Variants in SLC4A10 observed in about 807,000 individuals in gnomAD.
SLC4A10 encodes solute carrier family 4 member 10.
In SLC4A10, 42 loss-of-function variants were observed where a neutral mutation model predicts 137.7. The observed-to-expected ratio is 0.30, with a 90% confidence interval of 0.24 to 0.39. SLC4A10 has a LOEUF of 0.39. Ranked by LOEUF, SLC4A10 falls within the 10% of genes least tolerant of loss-of-function variation. SLC4A10 has a pLI of 1.00. For missense variants in SLC4A10, 925 were observed against 1,355.0 expected (o/e 0.68, Z 4.98); for synonymous variants, 474 against 464.1 (o/e 1.02, Z -0.27).
intron 15 of SLC4A10, among the ~76,000 whole-genome samples, chr2:161,923,294 G>GAAAATT (rs1688474074): frequency 6.6e-6 from 1 of 152,180 alleles, no homozygotes; most frequent in South Asian, 2.1e-4. Flanking sequence ...CACCACAAGT[G>GAAAATT]AAAATTATTG....
intron 1 of SLC4A10, among the ~76,000 whole-genome samples, chr2:161,738,971 G>A (rs2047615094): frequency 6.6e-6 from 1 of 152,120 alleles, no homozygotes; most frequent in South Asian, 2.1e-4. Context: ...ATGGGGTGAA[G>A]ATATAAACCC....
intron 3 of SLC4A10, among the ~76,000 whole-genome samples, chr2:161,824,395 G>A (rs2057872332): frequency 6.6e-6 from 1 of 152,146 alleles, no homozygotes; most frequent in African/African-American, 2.4e-5. Context: ...ACAAATTCCT[G>A]CTGGAGAAAA....
intron 1 of SLC4A10, among the ~76,000 whole-genome samples, chr2:161,651,536 A>G (rs774285900): frequency 5.1e-4 from 77 of 152,268 alleles, no homozygotes; most frequent in Admixed American, 3.8e-3. Context: ...GCCCAGACCT[A>G]TGACCTCCCT....
intron 2 of SLC4A10, among the ~76,000 whole-genome samples, chr2:161,786,452 G>A (rs1489720863): frequency 6.6e-6 from 1 of 151,716 alleles, no homozygotes; most frequent in Non-Finnish European, 1.5e-5. Context: ...TCCAATCATA[G>A]TACTGTTAGC....
intron 1 of SLC4A10, among the ~76,000 whole-genome samples, chr2:161,713,459 CAT>C (rs2044511773): frequency 2.6e-5 from 4 of 151,832 alleles, no homozygotes; most frequent in African/African-American, 9.6e-5. Context: ...CAAAATTGCA[CAT>C]GAGAGCATTT....
At position 161,947,739 on chromosome 2, in the gene SLC4A10, A is replaced by G. The variant is rs567478854; in HGVS notation, c.2265+12A>G. On this transcript the variant is annotated intron_variant, in intron 17 of 26. Coordinates refer to ENST00000446997, the MANE Select transcript of SLC4A10 (RefSeq NM_001178015.2). Reference sequence around the variant, plus strand: ...ATTTTCCAACCAAGGTACTTAGACTATTTCTTGATCTAAATGTAAAATAAC... The same window carrying G: ...ATTTTCCAACCAAGGTACTTAGACTGTTTCTTGATCTAAATGTAAAATAAC... 13 of 1,607,508 alleles carry G rather than the reference A, an allele frequency of 8.1e-6. 2 individuals are homozygous for G. The highest frequency in any genetic ancestry group is 1.7e-4 in the Middle Eastern group (1 of 6,022).
intron 3 of SLC4A10, among the ~76,000 whole-genome samples, chr2:161,824,265 G>A (rs73971366): frequency 0.031 from 4,753 of 152,150 alleles, 242 homozygotes; most frequent in African/African-American, 0.1. Context: ...GGAAAGCATC[G>A]TCAATAATGT....
chr2:161,749,897 G>C (rs942512980), intron 1 of SLC4A10, among the ~76,000 whole-genome samples: 1 of 151,744 alleles, frequency 6.6e-6, no homozygotes, highest in African/African-American at 2.4e-5. Flanking sequence ...TGTCTTCTTT[G>C]TTGGGAGATT....
At chr2:161,918,283 G>A (rs1241808025) in intron 15 of SLC4A10, among the ~76,000 whole-genome samples, 4 of 152,014 alleles carry the variant, frequency 2.6e-5, no homozygotes, top group African/African-American at 9.7e-5. Flanking sequence ...AGTCTCCTGA[G>A]TACCTGAGAT....
intron 4 of SLC4A10, among the ~76,000 whole-genome samples, chr2:161,845,966 A>G (rs1449563008): frequency 6.6e-6 from 1 of 152,144 alleles, no homozygotes; most frequent in Admixed American, 6.6e-5. Context: ...CGTAAAAGGA[A>G]ATATTTATAG....
intron 26 of SLC4A10, 65 bp from the exon 27 acceptor site, chr2:161,983,114 A>C (rs1233964961): frequency 2.8e-6 from 4 of 1,444,022 alleles, no homozygotes; most frequent in Admixed American, 2.0e-5. Flanking sequence ...ATGTCTGAGC[A>C]AGCAGATGTC....
chr2:161,962,628 T>C (rs1696917117), intron 21 of SLC4A10, among the ~76,000 whole-genome samples: 1 of 152,156 alleles, frequency 6.6e-6, no homozygotes, highest in Non-Finnish European at 1.5e-5. Flanking sequence ...GTAGCCTGCA[T>C]AGAATGTTTC....
intron 3 of SLC4A10, among the ~76,000 whole-genome samples, chr2:161,828,121 C>A (rs1180988221): frequency 1.3e-5 from 2 of 152,158 alleles, no homozygotes; most frequent in Non-Finnish European, 2.9e-5. Context: ...CCAAGTTTCC[C>A]TTTAATGAGA....
At chr2:161,672,079 C>A (rs551004550) in intron 1 of SLC4A10, among the ~76,000 whole-genome samples, 1 of 152,062 alleles carries the variant, frequency 6.6e-6, no homozygotes, top group Admixed American at 6.6e-5. Flanking sequence ...ACGATAAGCA[C>A]GTAGGGTACA....
In SLC4A10 at chr2:161,813,542, G is replaced by A. The variant is rs191358531; in HGVS notation, c.277+8947G>A. ...GATGTTGTCTCTTTCATGAAGGAACGTCTTAGAGTGTAAAAAAATGACAAT... is the reference window on the plus strand; with the variant it reads ...GATGTTGTCTCTTTCATGAAGGAACATCTTAGAGTGTAAAAAAATGACAAT... On this transcript the variant is annotated intron_variant, in intron 3 of 26. Coordinates refer to ENST00000446997, the MANE Select transcript of SLC4A10 (RefSeq NM_001178015.2). Among the ~76,000 whole-genome samples, 5 of 152,138 alleles carry A rather than the reference G, an allele frequency of 3.3e-5. No homozygotes were observed. In the East Asian group the frequency reaches 5.8e-4, roughly 18 times the overall value.
intron 11 of SLC4A10, among the ~76,000 whole-genome samples, chr2:161,898,830 C>T (rs1043897835): frequency 4.6e-5 from 7 of 152,232 alleles, no homozygotes; most frequent in African/African-American, 1.4e-4. Flanking sequence ...ACCACACTAA[C>T]TGGTCTCACA....
rs898933390 is a variant in SLC4A10 at position 161,984,288 on chromosome 2, A to C, written c.*1136A>C. ...GATTCCATTTGAGAAGGTTCTGTAG[A>C]TATTTCAGTCCATATAAAATAATAC... On this transcript the variant is annotated 3_prime_UTR_variant, in exon 27 of 27. Coordinates refer to ENST00000446997, the MANE Select transcript of SLC4A10 (RefSeq NM_001178015.2). 6.6e-6 allele frequency: 1 copy of C among 152,114 alleles called. No individual in the cohort carries two copies. The highest frequency in any genetic ancestry group is 1.5e-5 in the Non-Finnish European group (1 of 68,004). 9.4% of individuals were successfully genotyped at this position (152,114 alleles called of 1,614,324 possible). A position where few individuals can be genotyped will look rare whatever the true frequency, so the allele number is the denominator to read the frequency against.
In SLC4A10 at chr2:161,767,347, T is replaced by C. The variant is rs1364880399; in HGVS notation, c.49-3626T>C. ...TGTACTTATCCATACTTCAGACACCTGACTATAACTTCTTGTGTTTTAACA... is the reference window on the plus strand; with the variant it reads ...TGTACTTATCCATACTTCAGACACCCGACTATAACTTCTTGTGTTTTAACA... On this transcript the variant is annotated intron_variant, in intron 1 of 26. Coordinates refer to ENST00000446997, the MANE Select transcript of SLC4A10 (RefSeq NM_001178015.2). Among the ~76,000 whole-genome samples, 3 of 150,756 alleles carry C rather than the reference T, an allele frequency of 2.0e-5. 1 individual carries two copies. Among genetic ancestry groups the C allele is most frequent in the Admixed American group, 1.3e-4 (2 of 14,964 alleles).
At chr2:161,699,509 A>T (rs2042918613) in intron 1 of SLC4A10, among the ~76,000 whole-genome samples, 2 of 152,218 alleles carry the variant, frequency 1.3e-5, no homozygotes, top group African/African-American at 4.8e-5. Context: ...AGCATAGTTT[A>T]AGCATATATT....
Sources: allele counts gnomAD v4.1 joint callset (sites outside exome capture counted in the v4.1 genomes callset), GRCh38; gene constraint gnomAD v4.1.1; transcripts MANE v1.5; gene names NCBI Gene and HGNC (gene_info 2026-07-23, HGNC 2026-07-21).